HPSE2: variants seen among roughly 807,000 people sequenced by gnomAD.
HPSE2 encodes the protein heparanase 2 (inactive).
HPSE2 carries 38 observed loss-of-function variants against 60.5 expected under a neutral mutation model. The observed-to-expected ratio is 0.63, with a 90% confidence interval of 0.48 to 0.82. The LOEUF (loss-of-function observed/expected upper bound fraction) is 0.82. Ranked by LOEUF, HPSE2 falls within the 40% of genes least tolerant of loss-of-function variation. HPSE2 has a pLI of 0.00. For missense variants in HPSE2, 713 were observed against 740.4 expected (o/e 0.96, Z 0.43); for synonymous variants, 295 against 293.2 (o/e 1.01, Z -0.06).
At chr10:98,769,002 G>A (rs976937159) in intron 3 of HPSE2, among the ~76,000 whole-genome samples, 8 of 152,198 alleles carry the variant, frequency 5.3e-5, no homozygotes, top group Admixed American at 3.3e-4. Context: ...AAGGGAGATC[G>A]CGCCACTGCA....
At chr10:99,113,318 C>T (rs1259790172) in intron 3 of HPSE2, among the ~76,000 whole-genome samples, 5 of 152,186 alleles carry the variant, frequency 3.3e-5, no homozygotes, top group Admixed American at 6.5e-5. Flanking sequence ...TCCAAACCTA[C>T]GTCTGTTTAA....
At chr10:98,620,161 C>G (rs1326584284) in intron 8 of HPSE2, among the ~76,000 whole-genome samples, 1 of 152,230 alleles carries the variant, frequency 6.6e-6, no homozygotes, top group African/African-American at 2.4e-5. Flanking sequence ...AGTATGATTA[C>G]TACAGCACTT....
intron 4 of HPSE2, among the ~76,000 whole-genome samples, chr10:98,733,783 A>G (rs1022935772): frequency 6.6e-6 from 1 of 151,454 alleles, no homozygotes; most frequent in Non-Finnish European, 1.5e-5. Context: ...TTTGTAATCA[A>G]CCGGTGGCAA....
intron 3 of HPSE2, among the ~76,000 whole-genome samples, chr10:99,003,372 G>A (rs1424221615): frequency 1.3e-5 from 2 of 152,024 alleles, no homozygotes; most frequent in Non-Finnish European, 2.9e-5. Context: ...CCATTAATGA[G>A]ACTGCTGCAT....
At chr10:98,895,779 T>C (rs1953470170) in intron 3 of HPSE2, among the ~76,000 whole-genome samples, 2 of 150,974 alleles carry the variant, frequency 1.3e-5, no homozygotes, top group African/African-American at 4.9e-5. Context: ...GTTCATGTCC[T>C]TTGTAGGGAC....
intron 3 of HPSE2, among the ~76,000 whole-genome samples, chr10:99,123,592 T>C (rs995972307): frequency 1.8e-4 from 27 of 152,172 alleles, no homozygotes; most frequent in Non-Finnish European, 2.6e-4. Context: ...GCTCTTTCAG[T>C]CCCACCATTG....
intron 9 of HPSE2, among the ~76,000 whole-genome samples, chr10:98,590,419 G>A (rs1011020819): frequency 2.6e-5 from 4 of 152,198 alleles, no homozygotes; most frequent in Non-Finnish European, 5.9e-5. Context: ...CTCCAGCCTG[G>A]GTGGGAATCT....
At chr10:99,169,688 G>A (rs1174673337) in intron 2 of HPSE2, among the ~76,000 whole-genome samples, 1 of 152,092 alleles carries the variant, frequency 6.6e-6, no homozygotes, top group East Asian at 1.9e-4. Flanking sequence ...GCTTCATTGT[G>A]TCCTGCCCTG....
intron 6 of HPSE2, among the ~76,000 whole-genome samples, chr10:98,690,181 C>G (rs1191033303): frequency 6.6e-6 from 1 of 152,168 alleles, no homozygotes; most frequent in Non-Finnish European, 1.5e-5. Context: ...CTTGACACTT[C>G]AAGCCAATAT....
At chr10:98,860,982 T>C (rs1289382929) in intron 3 of HPSE2, among the ~76,000 whole-genome samples, 1 of 152,160 alleles carries the variant, frequency 6.6e-6, no homozygotes, top group African/African-American at 2.4e-5. Context: ...CATTACATCA[T>C]ACAGAGCAGG....
chr10:98,506,760 G>A (rs138801016), intron 9 of HPSE2, among the ~76,000 whole-genome samples: 52 of 152,210 alleles, frequency 3.4e-4, no homozygotes, highest in South Asian at 2.3e-3. Flanking sequence ...TTCTGAACCC[G>A]GCCTGATTTT....
At chr10:98,943,020 G>A (rs1186518076) in intron 3 of HPSE2, among the ~76,000 whole-genome samples, 1 of 141,752 alleles carries the variant, frequency 7.1e-6, no homozygotes, top group Admixed American at 7.7e-5. Context: ...TCATAGGTGG[G>A]AATTGAACTA....
intron 9 of HPSE2, among the ~76,000 whole-genome samples, chr10:98,586,908 C>T (rs1944955972): frequency 6.6e-6 from 1 of 152,104 alleles, no homozygotes; most frequent in Non-Finnish European, 1.5e-5. Context: ...GTTCTGTGCT[C>T]AAACCTGAGG....
In HPSE2 at chr10:98,940,461, G is replaced by A. The variant is rs1434590155; in HGVS notation, c.611-196405C>T. 4.5e-4 allele frequency among the ~76,000 whole-genome samples: 64 copies of A among 141,316 alleles called. 2 individuals carry two copies. Among genetic ancestry groups the A allele is most frequent in the East Asian group, 1.4e-3 (7 of 4,836 alleles). 92.7% of individuals were successfully genotyped at this position (141,316 alleles called of 152,430 possible). The stretch of plus-strand genomic sequence containing the variant: ...CAGAGAATACTACAAACACCTCTAC[G>A]CAAATAAACTAGAAAATCTAGAAGA... On this transcript the variant is annotated intron_variant, in intron 3 of 11. Coordinates refer to ENST00000370552, the MANE Select transcript of HPSE2 (RefSeq NM_021828.5).
chr10:98,960,746 T>TTTTTTTTTTA (rs1955653455), intron 3 of HPSE2, among the ~76,000 whole-genome samples: 1 of 129,862 alleles, frequency 7.7e-6, no homozygotes, highest in Non-Finnish European at 1.7e-5. Flanking sequence ...TTTTATTTTT[T>TTTTTTTTTTA]TTTTTATTAT....
intron 2 of HPSE2, among the ~76,000 whole-genome samples, chr10:99,178,885 A>C (rs1847643115): frequency 6.6e-6 from 1 of 152,192 alleles, no homozygotes; most frequent in African/African-American, 2.4e-5. Flanking sequence ...ATACCGGCAA[A>C]CCGAATCCAG....
chr10:99,283,639 C>A, the HPSE2 span, among the ~76,000 whole-genome samples: 2 of 151,614 alleles, frequency 1.3e-5, no homozygotes, highest in East Asian at 1.9e-4. Flanking sequence ...AGAGAAGACC[C>A]AAATTACTCA....
At chr10:98,712,787 G>A (rs932446080) in intron 5 of HPSE2, among the ~76,000 whole-genome samples, 1 of 152,034 alleles carries the variant, frequency 6.6e-6, no homozygotes, top group Non-Finnish European at 1.5e-5. Flanking sequence ...GTTCAGGTTA[G>A]AATATTCCAC....
chr10:99,154,003 C>T (rs1229936028), intron 2 of HPSE2, among the ~76,000 whole-genome samples: 3 of 151,756 alleles, frequency 2.0e-5, no homozygotes, highest in African/African-American at 7.3e-5. Flanking sequence ...AGGGTATCAG[C>T]AATGGAAGAT....
Sources: allele counts gnomAD v4.1 joint callset (sites outside exome capture counted in the v4.1 genomes callset), GRCh38; gene constraint gnomAD v4.1.1; transcripts MANE v1.5; gene names NCBI Gene and HGNC (gene_info 2026-07-23, HGNC 2026-07-21).